The following OPCML variants were observed in gnomAD, a reference collection of about 807,000 sequenced individuals.
OPCML encodes opioid-binding protein/cell adhesion molecule.
In OPCML, 13 loss-of-function variants were observed where a neutral mutation model predicts 37.8. That is an observed-to-expected ratio of 0.34 (90% CI 0.22 to 0.55). The LOEUF (loss-of-function observed/expected upper bound fraction) is 0.55. Among genes scored for constraint, OPCML ranks in the 20% least tolerant of loss-of-function variants. OPCML has a pLI of 0.91. For missense variants in OPCML, 341 were observed against 435.6 expected (o/e 0.78, Z 1.93); for synonymous variants, 176 against 168.8 (o/e 1.04, Z -0.33).
At chr11:132,837,910 C>T (rs1336065909) in intron 2 of OPCML, among the ~76,000 whole-genome samples, 1 of 152,218 alleles carries the variant, frequency 6.6e-6, no homozygotes, top group Non-Finnish European at 1.5e-5. Context: ...TCTTCTCCTG[C>T]CTTTGAAGGC....
chr11:132,518,119 G>T (rs1345112978), intron 4 of OPCML, among the ~76,000 whole-genome samples: 1 of 152,106 alleles, frequency 6.6e-6, no homozygotes, highest in South Asian at 2.1e-4. Context: ...ATGCAGCCTT[G>T]TTAGATAGGT....
At chr11:132,719,163 G>A (rs1944591877) in intron 2 of OPCML, among the ~76,000 whole-genome samples, 1 of 152,338 alleles carries the variant, frequency 6.6e-6, no homozygotes, top group African/African-American at 2.4e-5. Flanking sequence ...CCGTCCAGGA[G>A]GCGCGTGTTC....
At chr11:132,453,807 G>A (rs1390083734) in intron 4 of OPCML, among the ~76,000 whole-genome samples, 1 of 152,156 alleles carries the variant, frequency 6.6e-6, no homozygotes, top group Non-Finnish European at 1.5e-5. Flanking sequence ...GGCACAGAGG[G>A]TAGGGACACA....
chr11:132,566,783 C>T (rs1444237626), intron 3 of OPCML, among the ~76,000 whole-genome samples: 1 of 152,012 alleles, frequency 6.6e-6, no homozygotes, highest in African/African-American at 2.4e-5. Flanking sequence ...CTTAAAATGT[C>T]AAAAGATCTA....
chr11:132,699,184 T>C (rs954376856), intron 2 of OPCML, among the ~76,000 whole-genome samples: 1 of 152,100 alleles, frequency 6.6e-6, no homozygotes, highest in Non-Finnish European at 1.5e-5. Context: ...AAAATGCAAC[T>C]GATATTTGTA....
intron 1 of OPCML, chr11:133,004,606 C>T (rs1947071448): frequency 1.0e-6 from 1 of 985,472 alleles, no homozygotes; most frequent in Non-Finnish European, 1.2e-6. Flanking sequence ...AGGGTCTGCT[C>T]CTCTGATCCA....
At chr11:132,618,812 C>G (rs909949572) in intron 3 of OPCML, among the ~76,000 whole-genome samples, 3 of 152,082 alleles carry the variant, frequency 2.0e-5, no homozygotes, top group African/African-American at 7.2e-5. Flanking sequence ...TCATTTAATG[C>G]ACTTCTTAAA....
intron 1 of OPCML, among the ~76,000 whole-genome samples, chr11:133,084,205 A>C (rs1278218602): frequency 6.6e-6 from 1 of 152,180 alleles, no homozygotes; most frequent in Non-Finnish European, 1.5e-5. Flanking sequence ...CCAGGAACAA[A>C]CAACTAGTAA....
At chr11:132,603,075 C>G (rs895363829) in intron 3 of OPCML, among the ~76,000 whole-genome samples, 6 of 152,162 alleles carry the variant, frequency 3.9e-5, no homozygotes, top group African/African-American at 1.4e-4. Flanking sequence ...TTTCTGAGAG[C>G]TTCTCTATTT....
intron 1 of OPCML, among the ~76,000 whole-genome samples, chr11:133,335,566 C>T (rs1374664201): frequency 2.0e-5 from 3 of 152,038 alleles, no homozygotes; most frequent in Admixed American, 2.0e-4. Flanking sequence ...TCCTCAGCCT[C>T]CCTAAAATTG....
At chr11:133,125,683 TATA>T (rs1949493018) in intron 1 of OPCML, among the ~76,000 whole-genome samples, 1 of 25,566 alleles carries the variant, frequency 3.9e-5, no homozygotes, top group African/African-American at 1.1e-4. Flanking sequence ...AGTATATGTA[TATA>T]GTATATATAG....
chr11:132,853,722 T>G (rs916150830), intron 2 of OPCML, among the ~76,000 whole-genome samples: 3 of 152,238 alleles, frequency 2.0e-5, no homozygotes, highest in African/African-American at 7.2e-5. Flanking sequence ...CTGGTTTCTT[T>G]CACTTATTTT....
At chr11:132,462,679 G>A (rs79155109) in intron 4 of OPCML, among the ~76,000 whole-genome samples, 7,231 of 152,224 alleles carry the variant, frequency 0.048, 502 homozygotes, top group African/African-American at 0.15. Context: ...TCTAGAAGGG[G>A]GGAAGAATGG....
At chr11:133,072,143 T>TTA in intron 1 of OPCML, among the ~76,000 whole-genome samples, 1 of 151,922 alleles carries the variant, frequency 6.6e-6, no homozygotes, top group South Asian at 2.1e-4. Flanking sequence ...AGACCGCTAA[T>TTA]GAGTACTGGT....
intron 4 of OPCML, among the ~76,000 whole-genome samples, chr11:132,457,450 T>C (rs370188183): frequency 2.6e-5 from 4 of 152,230 alleles, no homozygotes; most frequent in South Asian, 4.1e-4. Context: ...AACAAATATT[T>C]ATTGAGTGTC....
chr11:133,178,638 C>T (rs998482773), intron 1 of OPCML, among the ~76,000 whole-genome samples: 2 of 152,038 alleles, frequency 1.3e-5, no homozygotes, highest in Admixed American at 1.3e-4. Context: ...AGTTTCACAA[C>T]CAGGACAGTG....
chr11:133,101,526 T>C (rs1949084995), intron 1 of OPCML, among the ~76,000 whole-genome samples: 1 of 152,214 alleles, frequency 6.6e-6, no homozygotes, highest in Admixed American at 6.5e-5. Flanking sequence ...CACCATTACT[T>C]ACCTACTAGA....
intron 2 of OPCML, among the ~76,000 whole-genome samples, chr11:132,745,580 AAAAGAAAGAAAG>A (rs1230655418): frequency 1.1e-5 from 1 of 87,554 alleles, no homozygotes; most frequent in Non-Finnish European, 2.6e-5. Context: ...AAAAAAAAAA[AAAAGAAAGAAAG>A]AAAGAAAGAA....
At chr11:132,454,280 G>C (rs1401500661) in intron 4 of OPCML, among the ~76,000 whole-genome samples, 7 of 152,220 alleles carry the variant, frequency 4.6e-5, no homozygotes, top group African/African-American at 1.7e-4. Context: ...GCTTCTCCCA[G>C]GTCATAACTT....
Sources: allele counts gnomAD v4.1 joint callset (sites outside exome capture counted in the v4.1 genomes callset), GRCh38; gene constraint gnomAD v4.1.1; transcripts MANE v1.5; gene names NCBI Gene and HGNC (gene_info 2026-07-23, HGNC 2026-07-21).